The following GMDS variants were observed in gnomAD, a reference collection of about 807,000 sequenced individuals.
The protein encoded by GMDS is GDP-mannose 4,6 dehydratase.
Under a neutral mutation model 49.9 loss-of-function variants are expected in GMDS, and 20 were observed. The observed-to-expected ratio is 0.40, with a 90% CI of 0.28 to 0.58. The LOEUF (loss-of-function observed/expected upper bound fraction) is 0.58. GMDS is among the 20% of genes least tolerant of loss of function. The probability of loss-of-function intolerance (pLI) is 0.42; values close to 1 mark genes in which losing one functional copy is unlikely to be tolerated. For missense variants in GMDS, 362 were observed against 481.4 expected, an observed-to-expected ratio of 0.75 and a Z score of 2.32; for synonymous variants, 177 against 178.6, an observed-to-expected ratio of 0.99 and a Z score of 0.07.
chr6:1,778,442 G>A lies in GMDS; in HGVS notation c.772-35856C>T, dbSNP rs1335817169. On this transcript the variant is annotated intron_variant, in intron 7 of 10. Coordinates refer to ENST00000380815, the MANE Select transcript of GMDS (RefSeq NM_001500.4). The surrounding 1 kb of genome is among the most constrained non-coding windows in gnomAD (Gnocchi z 4.6). The stretch of plus-strand genomic sequence containing the variant: ...AGACGAGTGGAACGGCGGGCACTGT[G>A]CTGAGGAGTGGCCAAGGAACTGTGG... Among the ~76,000 whole-genome samples, 1 of 152,208 alleles carries A rather than the reference G, an allele frequency of 6.6e-6. No homozygotes were observed. Among genetic ancestry groups the A allele is most frequent in the African/African-American group, 2.4e-5 (1 of 41,456 alleles).
At chr6:1,846,320 T>G (rs183537030) in intron 7 of GMDS, among the ~76,000 whole-genome samples, 2 of 152,166 alleles carry the variant, frequency 1.3e-5, no homozygotes, top group East Asian at 1.9e-4. Flanking sequence ...CTTGAACTCC[T>G]GGGCTCAAGT....
rs768342666 is a variant in GMDS, at chr6:2,245,321, C to G, written c.102G>C (p.Gln34His). The change falls in exon 1 of 11, where the codon CAG (glutamine) becomes CAC (histidine). Residue 34 changes from glutamine (Q) to histidine (H), a missense_variant and splice_region_variant. Gln to His is a conservative substitution (Grantham distance 24, BLOSUM62 0). Coordinates refer to ENST00000380815, the MANE Select transcript of GMDS (RefSeq NM_001500.4). ...NVALITGITGQDGSYLAEFLL... is the reference protein window; with the variant it reads ...NVALITGITGHDGSYLAEFLL... ...GGCGCGCCCCCGCCCCCGCACTCAC[C>G]TGGCCTGTGATACCGGTGATGAGCG... 2 of 1,540,608 alleles carry G rather than the reference C, an allele frequency of 1.3e-6. No homozygotes were observed. Among genetic ancestry groups the G allele is most frequent in the Non-Finnish European group, 1.7e-6 (2 of 1,146,308 alleles).
intron 9 of GMDS, among the ~76,000 whole-genome samples, chr6:1,684,397 G>A (rs1248559938): frequency 3.3e-5 from 5 of 152,172 alleles, no homozygotes; most frequent in African/African-American, 1.2e-4. Flanking sequence ...AACCAGGAAT[G>A]CAAATGTTCA....
chr6:1,744,730 G>C (rs1222319404), intron 7 of GMDS, among the ~76,000 whole-genome samples: 1 of 152,250 alleles, frequency 6.6e-6, no homozygotes, highest in East Asian at 1.9e-4. Context: ...GCTGCTCCTT[G>C]TAGGTCTGTG....
At chr6:1,750,971 C>T (rs1320572823) in intron 7 of GMDS, among the ~76,000 whole-genome samples, 3 of 152,162 alleles carry the variant, frequency 2.0e-5, no homozygotes, top group Admixed American at 6.5e-5. Context: ...TCAAATGCGG[C>T]GGAGCCCACC....
At chr6:1,711,482 A>G (rs1765962083) in intron 9 of GMDS, among the ~76,000 whole-genome samples, 1 of 152,234 alleles carries the variant, frequency 6.6e-6, no homozygotes, top group African/African-American at 2.4e-5. Flanking sequence ...CTCTTTAAGA[A>G]CACTTGGGTA....
chr6:2,064,677 G>A (rs553383854), intron 4 of GMDS, among the ~76,000 whole-genome samples: 10 of 152,120 alleles, frequency 6.6e-5, no homozygotes, highest in Middle Eastern at 3.2e-3. Flanking sequence ...TACACTTCCC[G>A]ACACAAGGCC....
rs1320700252 is a variant in GMDS at position 1,766,610 on chromosome 6, G to A, written c.772-24024C>T. Among the ~76,000 whole-genome samples the A allele has an allele frequency of 6.6e-6, 1 of 152,160 alleles. No homozygotes were observed. The highest frequency in any genetic ancestry group is 1.5e-5 in the Non-Finnish European group (1 of 68,022). The stretch of plus-strand genomic sequence containing the variant: ...GCCTCGCTACTCCAGTGCCTCCGGA[G>A]CCCAGGGAAGCTCACCTCAGGCAGC... On this transcript the variant is annotated intron_variant, in intron 7 of 10. Coordinates refer to ENST00000380815, the MANE Select transcript of GMDS (RefSeq NM_001500.4). The surrounding 1 kb of genome is among the most constrained non-coding windows in gnomAD (Gnocchi z 4.5).
At chr6:1,758,989 C>A (rs1768058202) in intron 7 of GMDS, among the ~76,000 whole-genome samples, 1 of 152,212 alleles carries the variant, frequency 6.6e-6, no homozygotes. Flanking sequence ...GTGGCACGAT[C>A]TCAGCTCACT....
chr6:1,743,528 A>AG (rs1561774501), intron 7 of GMDS, among the ~76,000 whole-genome samples: 13 of 118,546 alleles, frequency 1.1e-4, no homozygotes, highest in Non-Finnish European at 1.8e-4. Flanking sequence ...GGACGACAGA[A>AG]CCAGACTCCA....
intron 9 of GMDS, among the ~76,000 whole-genome samples, chr6:1,656,070 A>G (rs1763869898): frequency 1.3e-5 from 2 of 152,144 alleles, no homozygotes; most frequent in Admixed American, 6.5e-5. Context: ...AACCCAGAAC[A>G]CCTGTCTCCA....
intron 8 of GMDS, among the ~76,000 whole-genome samples, chr6:1,733,782 G>A (rs1379683370): frequency 1.3e-5 from 2 of 152,168 alleles, no homozygotes; most frequent in Non-Finnish European, 2.9e-5. Flanking sequence ...AACCTGGGGG[G>A]CAGAGGTTGC....
At chr6:1,924,682 A>G (rs138304484) in intron 7 of GMDS, among the ~76,000 whole-genome samples, 202 of 152,320 alleles carry the variant, frequency 1.3e-3, no homozygotes, top group African/African-American at 4.6e-3. Flanking sequence ...TACATGTTGA[A>G]TGAACAGTGC....
In GMDS at chr6:2,089,398, C is replaced by A. The variant is rs75488924; in HGVS notation, c.345+26373G>T. Among the ~76,000 whole-genome samples the A allele has an allele frequency of 2.2e-3, 330 of 151,254 alleles. 2 individuals carry two copies. The highest frequency in any genetic ancestry group is 7.8e-3 in the African/African-American group (321 of 41,224). On this transcript the variant is annotated intron_variant, in intron 4 of 10. Coordinates refer to ENST00000380815, the MANE Select transcript of GMDS (RefSeq NM_001500.4). ...AAGGACTTAACCAGAGCAACAGAAC[C>A]GAGAACAAAATAAAATAAATGCTTC...
chr6:2,238,144 TG>T lies in GMDS; in HGVS notation c.102+7176del, dbSNP rs150440909. On this transcript the variant is annotated intron_variant, in intron 1 of 10. Coordinates refer to ENST00000380815, the MANE Select transcript of GMDS (RefSeq NM_001500.4). ...GGCTCACACCTGTATTATCAGCACT[TG>T]GGAGGCCAAGACCAGAGGATTGCTT... Among the ~76,000 whole-genome samples, 890 of 149,854 alleles carry T rather than the reference TG, an allele frequency of 5.9e-3. 8 individuals are homozygous for T. Among genetic ancestry groups the T allele is most frequent in the African/African-American group, 0.021 (848 of 40,642 alleles).
chr6:1,726,485 C>T lies in GMDS; in HGVS notation c.918G>A (p.Val306=), dbSNP rs1766592886. 6.2e-7 allele frequency: 1 copy of T among 1,612,932 alleles called. No homozygotes were observed. The highest frequency in any genetic ancestry group is 1.3e-5 in the African/African-American group (1 of 74,916). ...CTTTGCCGGTCTCTTTACATCTGCC[C>T]ACTTCATTTTCATTCTTTCCTTCCC... ...IVWEGKNENE[V]GRCKETGKVH... The change falls in exon 9 of 11, where the codon GTG becomes GTA. Residue 306 remains valine (V), a synonymous_variant. Transcript: ENST00000380815.
intron 8 of GMDS, among the ~76,000 whole-genome samples, chr6:1,737,635 GCA>G (rs1291932935): frequency 3.5e-5 from 4 of 113,040 alleles, no homozygotes; most frequent in African/African-American, 1.1e-4. Context: ...AGATACACAC[GCA>G]CACATACATA....
intron 8 of GMDS, among the ~76,000 whole-genome samples, chr6:1,732,770 G>A (rs1053735460): frequency 6.6e-6 from 1 of 152,122 alleles, no homozygotes; most frequent in Non-Finnish European, 1.5e-5. Flanking sequence ...CCAGGGAAAT[G>A]GGCAGGGAGG....
At chr6:1,930,258 A>G in intron 6 of GMDS, 28 bp from the exon 7 acceptor site, 1 of 1,603,454 alleles carries the variant, frequency 6.2e-7, no homozygotes, top group Non-Finnish European at 8.5e-7. Flanking sequence ...ATGTAGTATC[A>G]GTCAAGTGCA....
Sources: allele counts gnomAD v4.1 joint callset (sites outside exome capture counted in the v4.1 genomes callset), GRCh38; gene constraint gnomAD v4.1.1; non-coding constraint Gnocchi (gnomAD v3.1); transcripts MANE v1.5; gene names NCBI Gene and HGNC (gene_info 2026-07-23, HGNC 2026-07-21).